AUTS2: variants seen among roughly 807,000 people sequenced by gnomAD.
The protein encoded by AUTS2 is activator of transcription and developmental regulator AUTS2.
A neutral mutation model predicts 112.4 loss-of-function variants in AUTS2; 17 were observed. The ratio of observed to expected loss-of-function variants is 0.15; its 90% CI spans 0.10 to 0.23. The LOEUF (loss-of-function observed/expected upper bound fraction) is 0.23, where lower values mean the gene tolerates loss of function less well. Among genes scored for constraint, AUTS2 ranks in the 10% least tolerant of loss-of-function variants. The pLI, the probability that AUTS2 is intolerant of heterozygous loss-of-function variation, is 1.00. For synonymous variants in AUTS2, 751 were observed against 702.7 expected (o/e 1.07, Z -1.09); for missense variants, 1,510 against 1,701.6 (o/e 0.89, Z 1.98).
chr7:69,812,707 A>C (rs1790595227), intron 1 of AUTS2, among the ~76,000 whole-genome samples: 1 of 151,916 alleles, frequency 6.6e-6, no homozygotes, highest in Admixed American at 6.6e-5. Flanking sequence ...CTCCAGATTT[A>C]GGTTCTTTTG....
intron 2 of AUTS2, among the ~76,000 whole-genome samples, chr7:69,928,466 G>A (rs1796108274): frequency 1.3e-5 from 2 of 152,200 alleles, no homozygotes; most frequent in South Asian, 4.1e-4. Context: ...GTGCCAGGAG[G>A]CACCTGCAGG....
At position 70,763,047 on chromosome 7, in the gene AUTS2, C is replaced by T. The variant is rs756446378; in HGVS notation, c.920C>T (p.Pro307Leu). The T allele has an allele frequency of 6.2e-7, 1 of 1,614,132 alleles. No homozygotes were observed. The highest frequency in any genetic ancestry group is 8.5e-7 in the Non-Finnish European group (1 of 1,180,018). ...DPCPQVAQPI[P>L]QPQTEPQLRA... ...TGCCCTCAGGTCGCACAGCCAATAC[C>T]CCAGCCGCAGACGGAGCCCCAACTC... The change falls in exon 7 of 19, where the codon CCC (proline) becomes CTC (leucine). Residue 307 changes from proline to leucine, a missense_variant. Physicochemically the swap from Pro to Leu is moderately conservative, Grantham distance 98. Coordinates refer to ENST00000342771, the MANE Select transcript of AUTS2 (RefSeq NM_015570.4).
intron 4 of AUTS2, among the ~76,000 whole-genome samples, 176 bp downstream of exon 4, chr7:70,134,747 G>A (rs970911589): frequency 1.3e-5 from 2 of 152,134 alleles, no homozygotes; most frequent in African/African-American, 4.8e-5. Flanking sequence ...ATAGCCTGCT[G>A]GGCCCTAGGG....
intron 1 of AUTS2, among the ~76,000 whole-genome samples, chr7:69,862,459 C>T (rs969518006): frequency 6.6e-6 from 1 of 152,162 alleles, no homozygotes; most frequent in Non-Finnish European, 1.5e-5. Context: ...AGACACTTTT[C>T]AGAGTTGTAA....
chr7:69,780,637 G>A (rs769401094), intron 1 of AUTS2, among the ~76,000 whole-genome samples: 2 of 152,236 alleles, frequency 1.3e-5, no homozygotes, highest in Non-Finnish European at 2.9e-5. Context: ...AGAGCTGTAA[G>A]TGGCTGGAGC....
intron 4 of AUTS2, among the ~76,000 whole-genome samples, chr7:70,301,950 G>A (rs989804647): frequency 1.7e-4 from 25 of 150,322 alleles, no homozygotes; most frequent in African/African-American, 5.9e-4. Context: ...TTTTTTTTTG[G>A]TATTTTTTGT....
intron 4 of AUTS2, among the ~76,000 whole-genome samples, chr7:70,242,284 C>T (rs1294206404): frequency 6.6e-6 from 1 of 152,148 alleles, no homozygotes. Flanking sequence ...AAACAGGATT[C>T]GGATAAGTGA....
intron 5 of AUTS2, among the ~76,000 whole-genome samples, chr7:70,563,149 G>A (rs1801559067): frequency 6.6e-6 from 1 of 152,186 alleles, no homozygotes; most frequent in Admixed American, 6.5e-5. Flanking sequence ...CAAGCAGAGA[G>A]TGGCTAGGCA....
intron 18 of AUTS2, among the ~76,000 whole-genome samples, chr7:70,788,119 TTGACAAAAA>T (rs1382796550): frequency 1.1e-4 from 17 of 152,168 alleles, no homozygotes; most frequent in Non-Finnish European, 5.9e-5. Context: ...TAACGCATTC[TTGACAAAAA>T]TGTCTTTTTT....
intron 1 of AUTS2, among the ~76,000 whole-genome samples, chr7:69,769,806 G>A (rs1243465775): frequency 6.6e-6 from 1 of 152,170 alleles, no homozygotes; most frequent in East Asian, 1.9e-4. Flanking sequence ...CATTAGGAGG[G>A]TCCAGTGAAC....
chr7:69,802,690 A>G (rs1790137465), intron 1 of AUTS2, among the ~76,000 whole-genome samples: 1 of 152,054 alleles, frequency 6.6e-6, no homozygotes, highest in Non-Finnish European at 1.5e-5. Context: ...AAAGCACCTG[A>G]CTTTTTGGGG....
At chr7:69,859,647 A>G (rs1450444799) in intron 1 of AUTS2, among the ~76,000 whole-genome samples, 1 of 152,240 alleles carries the variant, frequency 6.6e-6, no homozygotes, top group African/African-American at 2.4e-5. Flanking sequence ...CTGGTTAGCC[A>G]TCTCAAGATT....
chr7:70,509,669 T>A (rs569178177), intron 5 of AUTS2, among the ~76,000 whole-genome samples: 23 of 152,278 alleles, frequency 1.5e-4, no homozygotes, highest in African/African-American at 5.3e-4. Context: ...TAGTAACTCT[T>A]CCATCTTCTC....
intron 1 of AUTS2, among the ~76,000 whole-genome samples, chr7:69,708,571 A>G (rs1412937232): frequency 6.6e-6 from 1 of 152,224 alleles, no homozygotes; most frequent in Non-Finnish European, 1.5e-5. Context: ...GCTACATATT[A>G]TGTCCACAGT....
At chr7:69,624,261 T>C (rs1793827012) in intron 1 of AUTS2, among the ~76,000 whole-genome samples, 1 of 152,212 alleles carries the variant, frequency 6.6e-6, no homozygotes. Flanking sequence ...GTCTTGTCAT[T>C]ACTGTCCAGG....
chr7:70,447,550 A>C (rs974456297), intron 5 of AUTS2, among the ~76,000 whole-genome samples: 1 of 152,216 alleles, frequency 6.6e-6, no homozygotes, highest in Non-Finnish European at 1.5e-5. Flanking sequence ...TCACAGAGGT[A>C]TTACCGAACA....
intron 5 of AUTS2, among the ~76,000 whole-genome samples, chr7:70,598,993 C>T (rs1173986618): frequency 6.6e-6 from 1 of 152,226 alleles, no homozygotes; most frequent in African/African-American, 2.4e-5. Context: ...CAAGGTTTGT[C>T]TGAGGGCAAA....
In AUTS2 at chr7:69,915,421, G is replaced by A. The variant is rs142947617; in HGVS notation, c.522+15923G>A. Among the ~76,000 whole-genome samples the A allele has an allele frequency of 3.0e-3, 457 of 152,200 alleles. 2 individuals carry two copies. The highest frequency in any genetic ancestry group is 0.01 in the African/African-American group (425 of 41,538). ...TTTTTCACTCAGGTGCAATTTACTG[G>A]GAATTACCTGGCGCATTGGTTTTAT... On this transcript the variant is annotated intron_variant, in intron 2 of 18. Coordinates refer to ENST00000342771, the MANE Select transcript of AUTS2 (RefSeq NM_015570.4).
chr7:69,702,370 G>A (rs1797856759), intron 1 of AUTS2, among the ~76,000 whole-genome samples: 1 of 152,218 alleles, frequency 6.6e-6, no homozygotes, highest in Non-Finnish European at 1.5e-5. Context: ...CAGAGGCAGG[G>A]TGAGAAGGAA....
Sources: gnomAD v4.1 joint callset for allele counts (sites outside exome capture counted in the v4.1 genomes callset) on GRCh38, gnomAD v4.1.1 for gene constraint, MANE v1.5 for transcripts, NCBI Gene and HGNC (gene_info 2026-07-23, HGNC 2026-07-21) for gene names.